CHSY1: variants seen among roughly 807,000 people sequenced by gnomAD.
CHSY1 encodes N-acetylgalactosaminyl-proteoglycan 3-beta-glucuronosyltransferase 1.
In CHSY1, 13 loss-of-function variants were observed where a neutral mutation model predicts 59.8. That is an observed-to-expected ratio of 0.22 (90% CI 0.14 to 0.35). The LOEUF (loss-of-function observed/expected upper bound fraction) is 0.35. Among genes scored for constraint, CHSY1 ranks in the 10% least tolerant of loss-of-function variants. The probability of loss-of-function intolerance (pLI) is 1.00; values close to 1 mark genes in which losing one functional copy is unlikely to be tolerated. For missense variants in CHSY1, 947 were observed against 1,030.6 expected, an observed-to-expected ratio of 0.92 and a Z score of 1.11; for synonymous variants, 459 against 401.2, an observed-to-expected ratio of 1.14 and a Z score of -1.72.
chr15:101,249,531 T>TTTTTTTG (rs2039086107), intron 1 of CHSY1, among the ~76,000 whole-genome samples: 2 of 148,626 alleles, frequency 1.3e-5, no homozygotes, highest in African/African-American at 5.0e-5. Flanking sequence ...TTTTTTTTTT[T>TTTTTTTG]GAGATGGAGT....
chr15:101,244,880 C>G (rs1248071621), intron 1 of CHSY1, among the ~76,000 whole-genome samples: 1 of 152,196 alleles, frequency 6.6e-6, no homozygotes, highest in Non-Finnish European at 1.5e-5. Context: ...CCTAAAATAC[C>G]TGAAATTTCC....
intron 2 of CHSY1, among the ~76,000 whole-genome samples, chr15:101,221,453 T>C (rs1345915071): frequency 6.6e-6 from 1 of 152,190 alleles, no homozygotes; most frequent in Non-Finnish European, 1.5e-5. Context: ...CACACTAGTT[T>C]GGGTGACAGG....
intron 1 of CHSY1, among the ~76,000 whole-genome samples, chr15:101,246,817 A>T (rs2039057300): frequency 6.6e-6 from 1 of 152,248 alleles, no homozygotes; most frequent in South Asian, 2.1e-4. Context: ...AGGGAAAGAC[A>T]TAGACTGAAC....
chr15:101,225,035 G>A lies in CHSY1; in HGVS notation c.816+10047C>T, dbSNP rs74441230. On this transcript the variant is annotated intron_variant, in intron 2 of 2. Transcript: ENST00000254190. ...CCAGGCAACGAGAGTGCCTCCCACC[G>A]CTCCCCAACTCATCCTGCCTGCTCT... Among the ~76,000 whole-genome samples, 21 of 152,258 alleles carry A rather than the reference G, an allele frequency of 1.4e-4. No individual in the cohort carries two copies. The East Asian group carries it at 3.7e-3, about 27-fold the overall frequency.
At chr15:101,199,938 A>G (rs1464456516) in intron 2 of CHSY1, among the ~76,000 whole-genome samples, 1 of 152,224 alleles carries the variant, frequency 6.6e-6, no homozygotes. Flanking sequence ...CTGCATCAGC[A>G]ACTGGAGACA....
At chr15:101,196,229 CAA>C (rs533785067) in intron 2 of CHSY1, among the ~76,000 whole-genome samples, 1,273 of 81,058 alleles carry the variant, frequency 0.016, 16 homozygotes, top group African/African-American at 0.06. Flanking sequence ...GAAGCAGTCT[CAA>C]AAAAAAAAAA....
In CHSY1 at chr15:101,178,411, T is replaced by C; in HGVS notation, c.1386A>G (p.Lys462=). The C allele has an allele frequency of 1.2e-6, 2 of 1,613,164 alleles. No individual in the cohort carries two copies. Among genetic ancestry groups the C allele is most frequent in the South Asian group, 2.2e-5 (2 of 91,068 alleles). The change falls in exon 3 of 3, where the codon AAA becomes AAG. Residue 462 remains lysine, a synonymous_variant. Transcript: ENST00000254190. ...LLLYKKHKGK[K]MTVPVRRHAY... is the part of the protein sequence containing the mutation. Reference sequence around the variant, plus strand: ...CGTGCCTCCTCACAGGGACCGTCATTTTCTTCCCTTTGTGCTTTTTGTACA... The same window carrying C: ...CGTGCCTCCTCACAGGGACCGTCATCTTCTTCCCTTTGTGCTTTTTGTACA...
intron 2 of CHSY1, among the ~76,000 whole-genome samples, chr15:101,225,787 C>T (rs1025896180): frequency 6.6e-6 from 1 of 152,184 alleles, no homozygotes; most frequent in Non-Finnish European, 1.5e-5. Context: ...TCCTTATAGC[C>T]GTGTGAGAAC....
chr15:101,180,140 G>A (rs779874490), intron 2 of CHSY1, among the ~76,000 whole-genome samples: 5 of 152,190 alleles, frequency 3.3e-5, no homozygotes, highest in Non-Finnish European at 5.9e-5. Context: ...TGCAACTACC[G>A]TTTAATAGTA....
At chr15:101,247,181 CTTCTTTTACTGGCCTTCTTGGCTTTCT>C (rs1231573284) in intron 1 of CHSY1, among the ~76,000 whole-genome samples, 5 of 152,284 alleles carry the variant, frequency 3.3e-5, no homozygotes, top group East Asian at 1.9e-4. Context: ...TCTTGGGGCT[CTTCTTTTACTGGCCTTCTTGGCTTTCT>C]TTCTTTTACT....
chr15:101,233,139 C>A (rs1431386341), intron 2 of CHSY1, among the ~76,000 whole-genome samples: 1 of 152,184 alleles, frequency 6.6e-6, no homozygotes, highest in Non-Finnish European at 1.5e-5. Flanking sequence ...CCTTCGCAGG[C>A]CATCAGAAAC....
chr15:101,250,239 T>C (rs1242597448), intron 1 of CHSY1, among the ~76,000 whole-genome samples: 1 of 152,228 alleles, frequency 6.6e-6, no homozygotes, highest in African/African-American at 2.4e-5. Flanking sequence ...ACCCAAACTT[T>C]ATCCATACAG....
rs1205218156 is a variant in CHSY1, at chr15:101,239,131, C to T, written c.321-3554G>A. 4.6e-5 allele frequency among the ~76,000 whole-genome samples: 7 copies of T among 152,134 alleles called. No homozygotes were observed. In the East Asian group the frequency reaches 7.7e-4, roughly 17 times the overall value. On this transcript the variant is annotated intron_variant, in intron 1 of 2. Coordinates refer to ENST00000254190, the MANE Select transcript of CHSY1 (RefSeq NM_014918.5). ...AGAGAAATGTTTTTCATTTGGCAGT[C>T]GCAACAATTCTTTGAAAATGTAAAT...
chr15:101,196,712 T>C (rs766450757), intron 2 of CHSY1, among the ~76,000 whole-genome samples: 14 of 152,224 alleles, frequency 9.2e-5, no homozygotes, highest in Non-Finnish European at 1.8e-4. Context: ...ATGCCCTGGC[T>C]TCAAATGTAT....
chr15:101,229,821 C>A (rs534924270), intron 2 of CHSY1, among the ~76,000 whole-genome samples: 1 of 151,940 alleles, frequency 6.6e-6, no homozygotes, highest in Non-Finnish European at 1.5e-5. Context: ...GCCTGAGAAT[C>A]GCTTGAACCG....
At chr15:101,230,548 A>AT (rs201587447) in intron 2 of CHSY1, among the ~76,000 whole-genome samples, 1 of 152,192 alleles carries the variant, frequency 6.6e-6, no homozygotes, top group Admixed American at 6.5e-5. Context: ...TAATGTGTGA[A>AT]TTTTTTTTAA....
At position 101,251,446 on chromosome 15, in the gene CHSY1, C is replaced by A; in HGVS notation, c.11G>T (p.Arg4Leu). Residue 4 changes from arginine (R) to leucine (L), a missense_variant, in exon 1 of 3, where the codon CGC becomes CTC. Physicochemically the swap from Arg to Leu is moderately radical, Grantham distance 102. This residue lies in a region of CHSY1 where 232 missense variants were observed against 188.5 expected (regional missense o/e 1.23). Transcript: ENST00000254190. The part of the protein sequence containing the change: MAA[R>L]GRRAWLSVLL... The stretch of plus-strand genomic sequence containing the variant: ...CACGCTGAGCCAGGCGCGCCGGCCG[C>A]GCGCGGCCATGCCCGCGCCGCTCCG... The A allele has an allele frequency of 9.4e-7, 1 of 1,059,844 alleles. No individual in the cohort carries two copies. Among genetic ancestry groups the A allele is most frequent in the South Asian group, 2.7e-5 (1 of 37,472 alleles). 65.7% of individuals were successfully genotyped at this position (1,059,844 alleles called of 1,614,324 possible). A position where few individuals can be genotyped will look rare whatever the true frequency, so the allele number is the denominator to read the frequency against.
In CHSY1 at chr15:101,251,524, C is replaced by G; in HGVS notation, c.-68G>C. ...CGCGCCCTCAGCCCGCTGCCCCCGC[C>G]CGCGGAGGCCAGCCCGCCCTAGCGC... On this transcript the variant is annotated 5_prime_UTR_variant, in exon 1 of 3. Coordinates refer to ENST00000254190, the MANE Select transcript of CHSY1 (RefSeq NM_014918.5). 1 of 253,938 alleles carries G rather than the reference C, an allele frequency of 3.9e-6. No homozygotes were observed. The highest frequency in any genetic ancestry group is 5.8e-6 in the Non-Finnish European group (1 of 172,560). The allele number at this position is 253,938 out of a possible 1,614,324, so 15.7% of individuals were successfully genotyped here. A position where few individuals can be genotyped will look rare whatever the true frequency, so the allele number is the denominator to read the frequency against.
chr15:101,236,442 T>G lies in CHSY1; in HGVS notation c.321-865A>C, dbSNP rs537057956. On this transcript the variant is annotated intron_variant, in intron 1 of 2. Transcript: ENST00000254190. The stretch of plus-strand genomic sequence containing the variant: ...TTTTTGCTTGGCTCTCATTCTCTCT[T>G]GTCTGCCACCAAGTAAGACGTGCCT... 2.0e-5 allele frequency among the ~76,000 whole-genome samples: 3 copies of G among 152,236 alleles called. No individual in the cohort carries two copies. In the East Asian group the frequency reaches 5.8e-4, roughly 29 times the overall value.
Sources: allele counts gnomAD v4.1 joint callset (sites outside exome capture counted in the v4.1 genomes callset), GRCh38; gene constraint gnomAD v4.1.1; regional missense constraint gnomAD v4.1.1; transcripts MANE v1.5; gene names NCBI Gene and HGNC (gene_info 2026-07-23, HGNC 2026-07-21).